The following BTBD10 variants were observed in gnomAD, a reference collection of about 807,000 sequenced individuals.
The protein encoded by BTBD10 is BTB domain containing 10.
Under a neutral mutation model 53.2 loss-of-function variants are expected in BTBD10, and 21 were observed. The ratio of observed to expected loss-of-function variants is 0.39; its 90% CI spans 0.28 to 0.57. The LOEUF (loss-of-function observed/expected upper bound fraction) is 0.57. BTBD10 is among the 20% of genes least tolerant of loss of function. The pLI is 0.53. For synonymous variants in BTBD10, 149 were observed against 192.7 expected (o/e 0.77, Z 1.88); for missense variants, 360 against 594.7 (o/e 0.61, Z 4.10).
intron 2 of BTBD10, among the ~76,000 whole-genome samples, chr11:13,424,851 T>C (rs1313450314): frequency 1.3e-5 from 2 of 152,042 alleles, no homozygotes; most frequent in Non-Finnish European, 2.9e-5. Flanking sequence ...TGCCCAACAA[T>C]TGTCCCAAAT....
chr11:13,413,468 G>A, intron 6 of BTBD10, 62 bp downstream of exon 6: 4 of 1,435,276 alleles, frequency 2.8e-6, no homozygotes, highest in Non-Finnish European at 3.7e-6. Flanking sequence ...ACTAATTTCA[G>A]GCTTTTTGTT....
intron 2 of BTBD10, chr11:13,439,857 GATATCATGTA>G (rs1298535767): frequency 6.7e-7 from 1 of 1,485,798 alleles, no homozygotes; most frequent in Admixed American, 2.2e-5. Context: ...ATAACCCAGA[GATATCATGTA>G]ATAAATGAAT....
At chr11:13,436,847 TC>T (rs1950552776) in intron 2 of BTBD10, among the ~76,000 whole-genome samples, 1 of 152,168 alleles carries the variant, frequency 6.6e-6, no homozygotes, top group South Asian at 2.1e-4. Context: ...AGTGGCGTGA[TC>T]TCTGCTCACT....
chr11:13,409,585 T>A (rs1458028110), intron 6 of BTBD10, among the ~76,000 whole-genome samples: 5 of 152,166 alleles, frequency 3.3e-5, no homozygotes, highest in African/African-American at 1.2e-4. Flanking sequence ...CCTAAATATG[T>A]CACATTCCTT....
At chr11:13,418,624 A>T (rs949019766) in intron 4 of BTBD10, among the ~76,000 whole-genome samples, 1 of 152,158 alleles carries the variant, frequency 6.6e-6, no homozygotes, top group Non-Finnish European at 1.5e-5. Flanking sequence ...TTACTCAAAA[A>T]TGTATGCAAT....
At chr11:13,462,018 G>T (rs889245388) in intron 1 of BTBD10, among the ~76,000 whole-genome samples, 1 of 145,694 alleles carries the variant, frequency 6.9e-6, no homozygotes, top group Non-Finnish European at 1.5e-5. Flanking sequence ...ATATTCAAAT[G>T]ACAACTGCAG....
At chr11:13,417,030 T>C in intron 5 of BTBD10, 128 bp downstream of exon 5, 1 of 606,354 alleles carries the variant, frequency 1.6e-6, no homozygotes. Context: ...ATGAATTAAA[T>C]GGTATTTAAG....
intron 8 of BTBD10, among the ~76,000 whole-genome samples, chr11:13,398,055 G>C (rs560652742): frequency 1.0e-3 from 153 of 152,266 alleles, no homozygotes; most frequent in African/African-American, 3.6e-3. Context: ...ATGTCTATTA[G>C]GTCTGCTTGG....
At chr11:13,418,971 CTTTTTTTT>C (rs11423580) in intron 4 of BTBD10, among the ~76,000 whole-genome samples, 2 of 125,452 alleles carry the variant, frequency 1.6e-5, no homozygotes, top group African/African-American at 3.0e-5. Context: ...GTTGACATTC[CTTTTTTTT>C]TTTTTTTTTT....
intron 1 of BTBD10, among the ~76,000 whole-genome samples, chr11:13,446,870 T>C (rs1591166937): frequency 6.6e-6 from 1 of 152,156 alleles, no homozygotes; most frequent in East Asian, 1.9e-4. Flanking sequence ...TTATGACTAG[T>C]TATCTGTACT....
chr11:13,417,244 G>A lies in BTBD10; in HGVS notation c.601C>T (p.Arg201Ter), dbSNP rs536418438. 1 of 1,611,884 alleles carries A rather than the reference G, an allele frequency of 6.2e-7. No individual in the cohort carries two copies. The highest frequency in any genetic ancestry group is 1.1e-5 in the South Asian group (1 of 90,848). Reference protein sequence around the residue: ...TMLGRMFGSGREHNFTRPNEK... With the variant: ...TMLGRMFGSG ...TTGGGTCGTGTAAAGTTATGTTCTC[G>A]GCCAGATCCAAACATCCTATGATAG... Residue 201 changes from arginine (R) to a stop codon, truncating the protein, a stop_gained, in exon 5 of 9, where the codon CGA (arginine) becomes TGA (stop). Transcript: ENST00000278174. LOFTEE classifies it high-confidence loss of function.
chr11:13,433,501 G>A (rs60153940), intron 2 of BTBD10, among the ~76,000 whole-genome samples: 2,863 of 152,066 alleles, frequency 0.019, 85 homozygotes, highest in African/African-American at 0.065. Flanking sequence ...CCTCTGTTTC[G>A]GTTTTTTAAA....
intron 1 of BTBD10, among the ~76,000 whole-genome samples, chr11:13,447,632 G>A (rs1426399490): frequency 1.3e-5 from 2 of 152,090 alleles, no homozygotes; most frequent in African/African-American, 4.8e-5. Flanking sequence ...ATTCCCATGT[G>A]TTTTCCTAAT....
At chr11:13,394,014 T>C (rs954871865) in intron 8 of BTBD10, among the ~76,000 whole-genome samples, 5 of 152,246 alleles carry the variant, frequency 3.3e-5, no homozygotes. Context: ...AAAGGAATGA[T>C]AAATGAGAAA....
At chr11:13,404,355 A>G (rs1266363536) in intron 7 of BTBD10, among the ~76,000 whole-genome samples, 1 of 152,194 alleles carries the variant, frequency 6.6e-6, no homozygotes, top group African/African-American at 2.4e-5. Flanking sequence ...TTTAAGATAA[A>G]AAACAAGAAA....
intron 8 of BTBD10, among the ~76,000 whole-genome samples, chr11:13,400,642 G>A (rs555295095): frequency 3.3e-5 from 5 of 152,310 alleles, no homozygotes; most frequent in East Asian, 1.9e-4. Context: ...CGTCGCTCAC[G>A]CTGGAAGCTG....
intron 6 of BTBD10, among the ~76,000 whole-genome samples, chr11:13,409,561 CT>C (rs1157962987): frequency 6.6e-6 from 1 of 152,014 alleles, no homozygotes; most frequent in Non-Finnish European, 1.5e-5. Flanking sequence ...CAACATTTGC[CT>C]TTTTTTGAGT....
At position 13,403,247 on chromosome 11, in the gene BTBD10, G is replaced by A. The variant is rs1032756546; in HGVS notation, c.1038C>T (p.Phe346=). Residue 346 remains phenylalanine (F), a synonymous_variant, in exon 8 of 9, where the codon TTC becomes TTT. Coordinates refer to ENST00000278174, the MANE Select transcript of BTBD10 (RefSeq NM_032320.7). ...CCACATCTCTGTTTTCAATATACTTGAAAAATCTATATAATTTTGTGCTAT... is the reference window on the plus strand; with the variant it reads ...CCACATCTCTGTTTTCAATATACTTAAAAAATCTATATAATTTTGTGCTAT... The part of the protein sequence containing the change: ...IIYSTKLYRF[F]KYIENRDVAK... 3 of 1,527,710 alleles carry A rather than the reference G, an allele frequency of 2.0e-6. No individual in the cohort carries two copies. The highest frequency in any genetic ancestry group is 2.4e-5 in the East Asian group (1 of 40,910). The allele number at this position is 1,527,710 out of a possible 1,614,324, so 94.6% of individuals were successfully genotyped here. A position where few individuals can be genotyped will look rare whatever the true frequency, so the allele number is the denominator to read the frequency against.
chr11:13,416,915 G>T (rs185981323), intron 5 of BTBD10, among the ~76,000 whole-genome samples: 1 of 152,250 alleles, frequency 6.6e-6, no homozygotes, highest in Non-Finnish European at 1.5e-5. Flanking sequence ...AGCCCGGGAG[G>T]TTGAGGCTGC....
Sources: gnomAD v4.1 joint callset for allele counts (sites outside exome capture counted in the v4.1 genomes callset) on GRCh38, gnomAD v4.1.1 for gene constraint, MANE v1.5 for transcripts, NCBI Gene and HGNC (gene_info 2026-07-23, HGNC 2026-07-21) for gene names.